The following CHST11 variants were observed in gnomAD, a reference collection of about 807,000 sequenced individuals.
The protein encoded by CHST11 is C4S-1.
CHST11 carries 9 observed loss-of-function variants against 30.4 expected under a neutral mutation model. That is an observed-to-expected ratio of 0.30 (90% CI 0.18 to 0.52). CHST11 has a LOEUF of 0.52. CHST11 is among the 20% of genes least tolerant of loss of function. CHST11 has a pLI of 0.97. For synonymous variants in CHST11, 152 were observed against 187.8 expected, an observed-to-expected ratio of 0.81 and a Z score of 1.56; for missense variants, 348 against 460.6, an observed-to-expected ratio of 0.76 and a Z score of 2.24.
rs116516891 is a variant in CHST11, at chr12:104,657,766, C to T, written c.204+55775C>T. On this transcript the variant is annotated intron_variant, in intron 2 of 2. Coordinates refer to ENST00000303694, the MANE Select transcript of CHST11 (RefSeq NM_018413.6). The stretch of plus-strand genomic sequence containing the variant: ...TCTTCCACCTTCACGCTCTGGACTC[C>T]GATGGCTGGACTTGCATTCTTGAGG... Among the ~76,000 whole-genome samples, 1,204 of 152,266 alleles carry T rather than the reference C, an allele frequency of 7.9e-3. 14 individuals carry two copies. The highest frequency in any genetic ancestry group is 0.027 in the African/African-American group (1,125 of 41,530).
chr12:104,487,138 C>A (rs1428829249), intron 1 of CHST11, among the ~76,000 whole-genome samples: 1 of 152,220 alleles, frequency 6.6e-6, no homozygotes, highest in Non-Finnish European at 1.5e-5. Flanking sequence ...CCATGACTGT[C>A]AAGAATTCTT....
chr12:104,529,477 C>T (rs1302672369), intron 1 of CHST11, among the ~76,000 whole-genome samples: 1 of 152,174 alleles, frequency 6.6e-6, no homozygotes, highest in Non-Finnish European at 1.5e-5. Flanking sequence ...GCTGCTTTGA[C>T]AGAGAGGCCC....
chr12:104,728,155 G>T (rs2040230574), intron 2 of CHST11, among the ~76,000 whole-genome samples: 1 of 152,148 alleles, frequency 6.6e-6, no homozygotes, highest in Admixed American at 6.5e-5. Flanking sequence ...ATGGGCTGCG[G>T]CTTTAATTGG....
intron 2 of CHST11, among the ~76,000 whole-genome samples, chr12:104,719,560 A>T (rs573971188): frequency 7.9e-5 from 12 of 152,348 alleles, no homozygotes; most frequent in African/African-American, 2.9e-4. Flanking sequence ...ACACAGCATA[A>T]CTATCTATTC....
chr12:104,511,670 G>A (rs776759814), intron 1 of CHST11, among the ~76,000 whole-genome samples: 18 of 152,198 alleles, frequency 1.2e-4, no homozygotes, highest in Non-Finnish European at 2.5e-4. Context: ...GAATGACCTT[G>A]GGCAGAGTCT....
At chr12:104,574,857 T>TAA (rs112446603) in intron 1 of CHST11, among the ~76,000 whole-genome samples, 143 of 116,842 alleles carry the variant, frequency 1.2e-3, no homozygotes, top group African/African-American at 4.1e-3. Context: ...TAAAGTATAA[T>TAA]TAAAAAAAAA....
At chr12:104,570,769 C>T (rs2038616308) in intron 1 of CHST11, among the ~76,000 whole-genome samples, 1 of 151,458 alleles carries the variant, frequency 6.6e-6, no homozygotes. Context: ...CTGCTCACTG[C>T]AGTCTCTCCC....
chr12:104,596,010 T>C (rs1237305231), intron 1 of CHST11, among the ~76,000 whole-genome samples: 1 of 152,222 alleles, frequency 6.6e-6, no homozygotes, highest in East Asian at 1.9e-4. Flanking sequence ...CACTCTAGTT[T>C]CATCACAGTG....
chr12:104,600,869 T>C lies in CHST11; in HGVS notation c.119-1037T>C, dbSNP rs1348596377. ...TCTCTTTTTTCCCTCTCTCCTTCTT[T>C]CCTTTCTTCCTTCCCTCCCTTCTTC... is the stretch of plus-strand genomic sequence containing the variant. On this transcript the variant is annotated intron_variant, in intron 1 of 2. Coordinates refer to ENST00000303694, the MANE Select transcript of CHST11 (RefSeq NM_018413.6). The surrounding 1 kb of genome is among the most constrained non-coding windows in gnomAD (Gnocchi z 4.1). Among the ~76,000 whole-genome samples, 1 of 151,428 alleles carries C rather than the reference T, an allele frequency of 6.6e-6. No individual in the cohort carries two copies. The highest frequency in any genetic ancestry group is 1.5e-5 in the Non-Finnish European group (1 of 67,834).
At chr12:104,664,501 A>G (rs1417961652) in intron 2 of CHST11, among the ~76,000 whole-genome samples, 1 of 152,206 alleles carries the variant, frequency 6.6e-6, no homozygotes, top group Non-Finnish European at 1.5e-5. Flanking sequence ...AGCCCAGCCC[A>G]GCAACAGCAT....
chr12:104,524,638 C>A (rs2038106690), intron 1 of CHST11, among the ~76,000 whole-genome samples: 1 of 151,992 alleles, frequency 6.6e-6, no homozygotes, highest in Non-Finnish European at 1.5e-5. Context: ...GTCCGTCCAT[C>A]CATTCATCCA....
chr12:104,593,009 A>G (rs2038875497), intron 1 of CHST11, among the ~76,000 whole-genome samples: 1 of 152,230 alleles, frequency 6.6e-6, no homozygotes, highest in African/African-American at 2.4e-5. Context: ...TAGAGTCCCC[A>G]CTGGAAGGCT....
In CHST11 at chr12:104,640,525, G is replaced by A. The variant is rs186624152; in HGVS notation, c.204+38534G>A. On this transcript the variant is annotated intron_variant, in intron 2 of 2. Transcript: ENST00000303694. Reference sequence around the variant, plus strand: ...AACTATATGACATTCTGTAAAAGTTGGCAAATGTCTGTAAACAGCAGTAAA... The same window carrying A: ...AACTATATGACATTCTGTAAAAGTTAGCAAATGTCTGTAAACAGCAGTAAA... Among the ~76,000 whole-genome samples, 37 of 152,270 alleles carry A rather than the reference G, an allele frequency of 2.4e-4. No individual in the cohort carries two copies. In the East Asian group the frequency reaches 6.6e-3, roughly 27 times the overall value.
chr12:104,589,441 A>T (rs2136038290), intron 1 of CHST11, among the ~76,000 whole-genome samples: 1 of 152,062 alleles, frequency 6.6e-6, no homozygotes, highest in African/African-American at 2.4e-5. Context: ...AGAGACAGGA[A>T]ATAGAATGGG....
At chr12:104,706,644 C>CT (rs2040038735) in intron 2 of CHST11, among the ~76,000 whole-genome samples, 2 of 152,130 alleles carry the variant, frequency 1.3e-5, no homozygotes, top group South Asian at 4.1e-4. Context: ...GGCAAGGTCT[C>CT]TTTTCACTGT....
At chr12:104,731,875 T>TC (rs1165452536) in intron 2 of CHST11, among the ~76,000 whole-genome samples, 1 of 152,246 alleles carries the variant, frequency 6.6e-6, no homozygotes, top group Non-Finnish European at 1.5e-5. Flanking sequence ...TACTGTTTAA[T>TC]CCCCAACGTA....
chr12:104,759,489 G>GT lies in CHST11; in HGVS notation c.*1687dup, dbSNP rs1419016049. 1 of 152,056 alleles carries GT rather than the reference G, an allele frequency of 6.6e-6. No homozygotes were observed. The highest frequency in any genetic ancestry group is 6.6e-5 in the Admixed American group (1 of 15,262). The allele number at this position is 152,056 out of a possible 1,614,324, so 9.4% of individuals were successfully genotyped here. A position where few individuals can be genotyped will look rare whatever the true frequency, so the allele number is the denominator to read the frequency against. On this transcript the variant is annotated 3_prime_UTR_variant, in exon 3 of 3. Coordinates refer to ENST00000303694, the MANE Select transcript of CHST11 (RefSeq NM_018413.6). ...TAGGGGAGGGTGGGATGGGGTGTGG[G>GT]TAAGTTTTGCCTTTTGTTTTGTTTT...
At chr12:104,462,941 C>T (rs971644473) in intron 1 of CHST11, among the ~76,000 whole-genome samples, 1 of 152,076 alleles carries the variant, frequency 6.6e-6, no homozygotes, top group African/African-American at 2.4e-5. Flanking sequence ...TCATTGCCTT[C>T]CAAAATAAAA....
At chr12:104,727,656 A>G (rs892869338) in intron 2 of CHST11, among the ~76,000 whole-genome samples, 10 of 152,238 alleles carry the variant, frequency 6.6e-5, no homozygotes, top group African/African-American at 2.2e-4. Context: ...ATAATCGAGT[A>G]TAGACAGCAG....
Sources: allele counts gnomAD v4.1 joint callset (sites outside exome capture counted in the v4.1 genomes callset), GRCh38; gene constraint gnomAD v4.1.1; non-coding constraint Gnocchi (gnomAD v3.1); transcripts MANE v1.5; gene names NCBI Gene and HGNC (gene_info 2026-07-23, HGNC 2026-07-21).